NCAM2: variants seen among roughly 807,000 people sequenced by gnomAD.
The protein encoded by NCAM2 is neural cell adhesion molecule 2.
NCAM2 carries 30 observed loss-of-function variants against 98.1 expected under a neutral mutation model. The observed-to-expected ratio is 0.31, with a 90% CI of 0.23 to 0.41. NCAM2 has a LOEUF of 0.41. NCAM2 is among the 10% of genes least tolerant of loss of function. The pLI is 1.00. For missense variants in NCAM2, 867 were observed against 1,005.8 expected (o/e 0.86, Z 1.87); for synonymous variants, 368 against 342.4 (o/e 1.07, Z -0.83).
At chr21:21,174,072 C>T (rs1016718431) in intron 1 of NCAM2, among the ~76,000 whole-genome samples, 5 of 152,092 alleles carry the variant, frequency 3.3e-5, no homozygotes, top group Admixed American at 6.5e-5. Context: ...TACGAGCGTG[C>T]GCCACTACGC....
Position 21,528,794 on chromosome 21 carries a change from A to T in NCAM2, c.2283-5743A>T, listed in dbSNP as rs549862143. On this transcript the variant is annotated intron_variant, in intron 16 of 17. Coordinates refer to ENST00000400546, the MANE Select transcript of NCAM2 (RefSeq NM_004540.5). ...TTTATCACCTGAAAGACTGGCTATT[A>T]TACTGAATTACACTAATCTAAATAA... Among the ~76,000 whole-genome samples, 7 of 152,280 alleles carry T rather than the reference A, an allele frequency of 4.6e-5. No individual in the cohort carries two copies. The South Asian group carries it at 1.2e-3, about 27-fold the overall frequency.
Position 21,056,490 on chromosome 21 carries a change from CTGTG to C in NCAM2, c.55+57903_55+57906del, listed in dbSNP as rs10685980. Reference sequence around the variant, plus strand: ...TTTAGAGCAAGTGACAGAGATATGTCTGTGTGTGTGTGTGTGTGTGTGTGTGTGT... The same window carrying C: ...TTTAGAGCAAGTGACAGAGATATGTCTGTGTGTGTGTGTGTGTGTGTGTGT... On this transcript the variant is annotated intron_variant, in intron 1 of 17. Transcript: ENST00000400546. Among the ~76,000 whole-genome samples, 598 of 138,410 alleles carry C rather than the reference CTGTG, an allele frequency of 4.3e-3. 4 individuals are homozygous for C. Among genetic ancestry groups the C allele is most frequent in the African/African-American group, 0.011 (401 of 36,606 alleles). The allele number at this position is 138,410 out of a possible 152,430, so 90.8% of individuals were successfully genotyped here.
chr21:21,535,836 A>G (rs1023684903), intron 17 of NCAM2, among the ~76,000 whole-genome samples: 1 of 152,162 alleles, frequency 6.6e-6, no homozygotes, highest in Non-Finnish European at 1.5e-5. Context: ...CCAATATAAA[A>G]TAATATGATT....
chr21:21,504,267 G>A (rs1475793802), intron 15 of NCAM2, among the ~76,000 whole-genome samples: 2 of 151,768 alleles, frequency 1.3e-5, no homozygotes, highest in South Asian at 4.1e-4. Context: ...GACCTCTCTG[G>A]ATCTCAGTTT....
intron 1 of NCAM2, among the ~76,000 whole-genome samples, chr21:21,237,358 G>A (rs2070872825): frequency 6.6e-6 from 1 of 152,022 alleles, no homozygotes; most frequent in African/African-American, 2.4e-5. Context: ...CTGTCAGTAG[G>A]TAAGATGAAA....
chr21:21,276,531 C>T (rs1403940861), intron 1 of NCAM2, among the ~76,000 whole-genome samples: 1 of 151,856 alleles, frequency 6.6e-6, no homozygotes, highest in Non-Finnish European at 1.5e-5. Context: ...CATTCTTGTC[C>T]AATTTTCTCC....
chr21:21,426,855 G>A (rs571607858), intron 11 of NCAM2, among the ~76,000 whole-genome samples: 115 of 152,292 alleles, frequency 7.6e-4, no homozygotes, highest in South Asian at 5.4e-3. Context: ...AGGAAATGAA[G>A]ATTTTAGCCT....
At chr21:21,510,087 A>T (rs1023475970) in intron 16 of NCAM2, among the ~76,000 whole-genome samples, 1 of 152,166 alleles carries the variant, frequency 6.6e-6, no homozygotes, top group Admixed American at 6.6e-5. Flanking sequence ...ATGTTTATTC[A>T]TACGTTAATC....
intron 1 of NCAM2, among the ~76,000 whole-genome samples, chr21:21,146,699 C>A (rs28506782): frequency 6.6e-6 from 1 of 151,788 alleles, no homozygotes. Context: ...ACATTTAATA[C>A]CTTCGCAAGA....
At chr21:21,093,439 G>T (rs548197774) in intron 1 of NCAM2, among the ~76,000 whole-genome samples, 8 of 152,128 alleles carry the variant, frequency 5.3e-5, no homozygotes, top group African/African-American at 1.9e-4. Flanking sequence ...TTCATCCGTT[G>T]TCCAAATTGA....
intron 12 of NCAM2, among the ~76,000 whole-genome samples, chr21:21,436,427 C>T (rs550532473): frequency 5.9e-5 from 9 of 152,314 alleles, no homozygotes; most frequent in African/African-American, 1.9e-4. Flanking sequence ...TTCCCTCTTC[C>T]TCCAGAATGA....
chr21:21,501,616 C>T (rs201448427), intron 15 of NCAM2, among the ~76,000 whole-genome samples: 1 of 53,232 alleles, frequency 1.9e-5, no homozygotes, highest in Admixed American at 2.2e-4. Flanking sequence ...GATTAATGTT[C>T]CTTTTTTTTT....
At chr21:21,053,048 T>A (rs1158232261) in intron 1 of NCAM2, among the ~76,000 whole-genome samples, 1 of 152,064 alleles carries the variant, frequency 6.6e-6, no homozygotes, top group Admixed American at 6.5e-5. Flanking sequence ...ACAAACTTCT[T>A]ATTGAATAGT....
At chr21:21,449,103 T>C (rs1980627706) in intron 12 of NCAM2, among the ~76,000 whole-genome samples, 1 of 152,098 alleles carries the variant, frequency 6.6e-6, no homozygotes, top group African/African-American at 2.4e-5. Flanking sequence ...CACAAATTCA[T>C]ACATAATTCT....
intron 1 of NCAM2, among the ~76,000 whole-genome samples, chr21:21,032,363 A>T (rs563380913): frequency 3.7e-4 from 56 of 152,162 alleles, no homozygotes; most frequent in Non-Finnish European, 7.1e-4. Context: ...TAAAAATTTA[A>T]ACTTCATCAT....
At chr21:21,343,694 C>A (rs184366428) in intron 8 of NCAM2, among the ~76,000 whole-genome samples, 1 of 152,266 alleles carries the variant, frequency 6.6e-6, no homozygotes, top group East Asian at 1.9e-4. Context: ...CAGCCCTAGC[C>A]AGAAAGGAAT....
intron 1 of NCAM2, among the ~76,000 whole-genome samples, chr21:21,148,405 C>T (rs941404539): frequency 6.6e-6 from 1 of 152,160 alleles, no homozygotes; most frequent in African/African-American, 2.4e-5. Flanking sequence ...AGATACTTCA[C>T]AGGTAGGGGC....
intron 1 of NCAM2, among the ~76,000 whole-genome samples, chr21:21,252,154 C>T (rs2071498915): frequency 6.6e-6 from 1 of 151,918 alleles, no homozygotes; most frequent in Non-Finnish European, 1.5e-5. Flanking sequence ...AATGAGATAC[C>T]ATCTCATGCC....
At chr21:21,238,291 A>G (rs1466420202) in intron 1 of NCAM2, among the ~76,000 whole-genome samples, 1 of 151,998 alleles carries the variant, frequency 6.6e-6, no homozygotes, top group East Asian at 1.9e-4. Context: ...TGCCTTAAGA[A>G]CTGATTATTA....
Sources: allele counts gnomAD v4.1 joint callset (sites outside exome capture counted in the v4.1 genomes callset), GRCh38; gene constraint gnomAD v4.1.1; transcripts MANE v1.5; gene names NCBI Gene and HGNC (gene_info 2026-07-23, HGNC 2026-07-21).